The following GNAI1 variants were observed in gnomAD, a reference collection of about 807,000 sequenced individuals.
The protein encoded by GNAI1 is G protein subunit alpha i1, also known as guanine nucleotide-binding protein G(i) subunit alpha-1.
GNAI1 carries 11 observed loss-of-function variants against 38.9 expected under a neutral mutation model. That is an observed-to-expected ratio of 0.28 (90% CI 0.18 to 0.47). The LOEUF (loss-of-function observed/expected upper bound fraction) is 0.47, where lower values mean the gene tolerates loss of function less well. Ranked by LOEUF, GNAI1 falls within the 20% of genes least tolerant of loss-of-function variation. GNAI1 has a pLI of 0.99. For synonymous variants in GNAI1, 166 were observed against 145.1 expected, an observed-to-expected ratio of 1.14 and a Z score of -1.04; for missense variants, 317 against 436.9, an observed-to-expected ratio of 0.73 and a Z score of 2.45.
chr7:80,150,941 A>G (rs773047600), intron 1 of GNAI1, among the ~76,000 whole-genome samples: 1 of 152,086 alleles, frequency 6.6e-6, no homozygotes, highest in African/African-American at 2.4e-5. Context: ...CCTTCAGTCT[A>G]TATCAGTCCT....
chr7:80,210,843 C>T (rs1255335351), intron 5 of GNAI1, 126 bp from the exon 6 acceptor site: 3 of 634,220 alleles, frequency 4.7e-6, no homozygotes, highest in African/African-American at 3.8e-5. Flanking sequence ...CCCATAAAGT[C>T]CTTCTCTCCT....
intron 1 of GNAI1, among the ~76,000 whole-genome samples, chr7:80,157,796 T>G (rs1584015242): frequency 6.6e-6 from 1 of 152,300 alleles, no homozygotes; most frequent in East Asian, 1.9e-4. Context: ...AACCTCTGTC[T>G]CCCAGATTCA....
rs976232875 is a variant in GNAI1, at chr7:80,221,985, A to T, written c.*4492A>T. ...TTCAAAACCCTTTCTTAACAGTTGA[A>T]ATGCATTTATATAAAGAAGTTTACG... On this transcript the variant is annotated 3_prime_UTR_variant, in exon 8 of 8. Coordinates refer to ENST00000649796, the MANE Select transcript of GNAI1 (RefSeq NM_002069.6). Among the ~76,000 whole-genome samples, 1 of 152,048 alleles carries T rather than the reference A, an allele frequency of 6.6e-6. No homozygotes were observed. Among genetic ancestry groups the T allele is most frequent in the African/African-American group, 2.4e-5 (1 of 41,400 alleles).
chr7:80,208,123 A>AAT (rs1788808536), intron 5 of GNAI1, among the ~76,000 whole-genome samples: 1 of 152,118 alleles, frequency 6.6e-6, no homozygotes, highest in Admixed American at 6.6e-5. Flanking sequence ...CTAAGGCATA[A>AAT]ATCATCACTT....
chr7:80,157,257 A>G (rs1233496055), intron 1 of GNAI1, among the ~76,000 whole-genome samples: 1 of 152,086 alleles, frequency 6.6e-6, no homozygotes, highest in Non-Finnish European at 1.5e-5. Context: ...ATATGCACTT[A>G]AGTTTCCTCT....
intron 1 of GNAI1, among the ~76,000 whole-genome samples, chr7:80,141,281 A>G (rs955179017): frequency 1.3e-5 from 2 of 152,186 alleles, no homozygotes; most frequent in Non-Finnish European, 2.9e-5. Flanking sequence ...GTCTCAACCC[A>G]ATACAGCCAC....
At position 80,221,133 on chromosome 7, in the gene GNAI1, A is replaced by G. The variant is rs1295197523; in HGVS notation, c.*3640A>G. On this transcript the variant is annotated 3_prime_UTR_variant, in exon 8 of 8. Transcript: ENST00000649796. ...TGTTGGAAGTAGAAAGTGATGGTGAAAATCCTAGGCTCTGGCACCCCGTCT... is the reference window on the plus strand; with the variant it reads ...TGTTGGAAGTAGAAAGTGATGGTGAGAATCCTAGGCTCTGGCACCCCGTCT... 6.6e-6 allele frequency among the ~76,000 whole-genome samples: 1 copy of G among 152,158 alleles called. No individual in the cohort carries two copies. The highest frequency in any genetic ancestry group is 2.4e-5 in the African/African-American group (1 of 41,438).
At chr7:80,198,175 A>G (rs1788614928) in intron 3 of GNAI1, among the ~76,000 whole-genome samples, 1 of 151,988 alleles carries the variant, frequency 6.6e-6, no homozygotes, top group Admixed American at 6.6e-5. Context: ...AATCCTTAAA[A>G]TGTATCTACT....
chr7:80,140,595 C>A (rs1237528496), intron 1 of GNAI1, among the ~76,000 whole-genome samples: 1 of 152,168 alleles, frequency 6.6e-6, no homozygotes, highest in African/African-American at 2.4e-5. Context: ...CAGAGTATGA[C>A]ACAGTGAAGT....
At chr7:80,170,307 T>G (rs1788080490) in intron 1 of GNAI1, among the ~76,000 whole-genome samples, 1 of 152,222 alleles carries the variant, frequency 6.6e-6, no homozygotes, top group South Asian at 2.1e-4. Context: ...ATACTTGGAT[T>G]GTCTACCTTT....
At chr7:80,151,939 G>A (rs1271422237) in intron 1 of GNAI1, among the ~76,000 whole-genome samples, 3 of 152,206 alleles carry the variant, frequency 2.0e-5, no homozygotes, top group African/African-American at 7.2e-5. Flanking sequence ...AGAGCTGTTA[G>A]TACATGGCCC....
intron 1 of GNAI1, among the ~76,000 whole-genome samples, chr7:80,155,994 G>T (rs1787810959): frequency 7.6e-6 from 1 of 130,866 alleles, no homozygotes; most frequent in Admixed American, 9.0e-5. Flanking sequence ...AGTGAGCCGA[G>T]ATCACACCAC....
At chr7:80,139,405 T>G (rs1459077845) in intron 1 of GNAI1, among the ~76,000 whole-genome samples, 1 of 152,200 alleles carries the variant, frequency 6.6e-6, no homozygotes. Flanking sequence ...CCCTCTAGCC[T>G]TATACTTTTT....
chr7:80,142,060 G>A (rs1787536426), intron 1 of GNAI1, among the ~76,000 whole-genome samples: 2 of 151,852 alleles, frequency 1.3e-5, no homozygotes, highest in African/African-American at 2.4e-5. Context: ...TTCTCACTTC[G>A]TTCTGAGCCC....
rs1789058352 is a variant in GNAI1 at position 80,220,737 on chromosome 7, C to T, written c.*3244C>T. On this transcript the variant is annotated 3_prime_UTR_variant, in exon 8 of 8. Transcript: ENST00000649796. ...GACAGTAACTAGAGATCAAAAAAGG[C>T]TTAAAGAGGTTAATTAACTTGAGCA... 6.6e-6 allele frequency among the ~76,000 whole-genome samples: 1 copy of T among 152,092 alleles called. No homozygotes were observed. Among genetic ancestry groups the T allele is most frequent in the East Asian group, 1.9e-4 (1 of 5,186 alleles).
intron 1 of GNAI1, among the ~76,000 whole-genome samples, chr7:80,147,677 C>T (rs1228485972): frequency 2.0e-5 from 3 of 152,176 alleles, no homozygotes; most frequent in East Asian, 3.8e-4. Flanking sequence ...GTGCATACAA[C>T]ATGATTTCCC....
chr7:80,199,423 T>C (rs1788640721), intron 4 of GNAI1, 41 bp downstream of exon 4: 5 of 1,438,556 alleles, frequency 3.5e-6, no homozygotes, highest in Non-Finnish European at 4.7e-6. Flanking sequence ...TCATGAATAA[T>C]TACTTGCAAG....
At chr7:80,156,509 A>T (rs1017329922) in intron 1 of GNAI1, among the ~76,000 whole-genome samples, 3 of 152,018 alleles carry the variant, frequency 2.0e-5, no homozygotes, top group African/African-American at 7.2e-5. Flanking sequence ...GCTCACTCTA[A>T]CCTCAGACTC....
intron 4 of GNAI1, among the ~76,000 whole-genome samples, chr7:80,200,578 G>A (rs1788668997): frequency 6.6e-6 from 1 of 152,080 alleles, no homozygotes; most frequent in African/African-American, 2.4e-5. Context: ...AGGTCTAGGT[G>A]AATGCATGCA....
Sources: gnomAD v4.1 joint callset for allele counts (sites outside exome capture counted in the v4.1 genomes callset) on GRCh38, gnomAD v4.1.1 for gene constraint, MANE v1.5 for transcripts, NCBI Gene and HGNC (gene_info 2026-07-23, HGNC 2026-07-21) for gene names.